Variants in RASA3 observed in about 807,000 individuals in gnomAD.
RASA3 encodes the protein RAS p21 protein activator 3, also known as ras GTPase-activating protein 3.
RASA3 carries 73 observed loss-of-function variants against 110.0 expected under a neutral mutation model. That is an observed-to-expected ratio of 0.66 (90% CI 0.55 to 0.81). RASA3 has a LOEUF of 0.81. Among genes scored for constraint, RASA3 ranks in the 30% least tolerant of loss-of-function variants. The pLI is 0.00. For synonymous variants in RASA3, 500 were observed against 451.4 expected, an observed-to-expected ratio of 1.11 and a Z score of -1.37; for missense variants, 976 against 1,113.2, an observed-to-expected ratio of 0.88 and a Z score of 1.75.
rs889807841 is a variant in RASA3, at chr13:113,978,942, G to A, written c.*405C>T. On this transcript the variant is annotated 3_prime_UTR_variant, in exon 24 of 24. Coordinates refer to ENST00000334062, the MANE Select transcript of RASA3 (RefSeq NM_007368.4). ...CACAGAGCCCAGCGTCACACGCACC[G>A]TGCACGCAAGACAGACGTGCACGAG... The A allele has an allele frequency of 2.1e-5, 5 of 235,166 alleles. No individual in the cohort carries two copies. The East Asian group carries it at 4.2e-4, about 20-fold the overall frequency. The allele number at this position is 235,166 out of a possible 1,614,324, so 14.6% of individuals were successfully genotyped here. A position where few individuals can be genotyped will look rare whatever the true frequency, so the allele number is the denominator to read the frequency against.
intron 1 of RASA3, chr13:114,108,650 A>G (rs1167621419): frequency 6.6e-6 from 1 of 151,982 alleles, no homozygotes; most frequent in Non-Finnish European, 1.5e-5. Context: ...CCTTGTGTGC[A>G]CAGCTTCTGA....
chr13:114,039,479 G>A (rs919645812), intron 4 of RASA3, among the ~76,000 whole-genome samples: 6 of 152,074 alleles, frequency 3.9e-5, no homozygotes, highest in Admixed American at 3.3e-4. Flanking sequence ...GCCGTCCGGT[G>A]TCCCAGGGAC....
chr13:114,041,070 T>C lies in RASA3; in HGVS notation c.302A>G (p.Asp101Gly). 6.2e-7 allele frequency: 1 copy of C among 1,613,826 alleles called. No homozygotes were observed. Among genetic ancestry groups the C allele is most frequent in the South Asian group, 1.1e-5 (1 of 91,088 alleles). Residue 101 changes from aspartate to glycine, a missense_variant, in exon 4 of 24, where the codon GAC (aspartate) becomes GGC (glycine). Around this residue, in one of 4 missense-constraint regions of RASA3, gnomAD observed 732 missense variants for 779.7 expected, o/e 0.94. Transcript: ENST00000334062. ...GTCCCTGTTGTGGTACTTCTGCAAG[T>C]CCTCCTTCTGGATGGCCACCTTCCC... ...IIGKVAIQKE[D>G]LQKYHNRDTW...
rs1348161744 is a variant in RASA3, at chr13:114,052,154, G to C, written c.175C>G (p.Pro59Ala). ...RTKIVEKSLC[P>A]FYGEDFYCEI... ...CAGTAAAAGTCTTCTCCGTAAAACG[G>C]GCTAGTGAGACAAAGAAAAGCGCCA... is the stretch of plus-strand genomic sequence containing the variant. Residue 59 changes from proline (P) to alanine (A), a missense_variant and splice_region_variant, in exon 3 of 24, where the codon CCG (proline) becomes GCG (alanine). Physicochemically the swap from Pro to Ala is conservative, Grantham distance 27. This residue lies in a region of RASA3 where 732 missense variants were observed against 779.7 expected (regional missense o/e 0.94). Coordinates refer to ENST00000334062, the MANE Select transcript of RASA3 (RefSeq NM_007368.4). 1 of 1,608,902 alleles carries C rather than the reference G, an allele frequency of 6.2e-7. No homozygotes were observed. The highest frequency in any genetic ancestry group is 2.2e-5 in the East Asian group (1 of 44,830).
At chr13:113,981,563 G>A (rs769865542) in intron 23 of RASA3, 112 bp downstream of exon 23, 90 of 1,213,508 alleles carry the variant, frequency 7.4e-5, no homozygotes, top group Non-Finnish European at 8.7e-5. Context: ...CCTCCCAGGC[G>A]GACACCTGAG....
chr13:114,025,945 G>T (rs1032851180), intron 7 of RASA3, among the ~76,000 whole-genome samples: 1 of 152,228 alleles, frequency 6.6e-6, no homozygotes, highest in Non-Finnish European at 1.5e-5. Flanking sequence ...TAAGGAAGGG[G>T]AGGAGACGGA....
At chr13:114,050,101 G>A (rs933573386) in intron 3 of RASA3, among the ~76,000 whole-genome samples, 7 of 152,264 alleles carry the variant, frequency 4.6e-5, no homozygotes, top group Non-Finnish European at 1.0e-4. Context: ...GTCAGAGGGA[G>A]AGAGGAAGAG....
intron 1 of RASA3, among the ~76,000 whole-genome samples, chr13:114,088,563 T>C (rs2079849521): frequency 6.6e-6 from 1 of 152,196 alleles, no homozygotes; most frequent in African/African-American, 2.4e-5. Flanking sequence ...AATTTTTTTT[T>C]TTTTTGAGAC....
chr13:113,997,100 TC>T (rs1310890240), intron 20 of RASA3, among the ~76,000 whole-genome samples: 1 of 152,182 alleles, frequency 6.6e-6, no homozygotes, highest in Non-Finnish European at 1.5e-5. Flanking sequence ...CACAAGGCCC[TC>T]CTGCAGCTGA....
intron 2 of RASA3, among the ~76,000 whole-genome samples, chr13:114,054,829 A>C (rs1167200409): frequency 1.3e-5 from 2 of 152,264 alleles, no homozygotes; most frequent in African/African-American, 2.4e-5. Context: ...CGTTTCCTTT[A>C]AACACATTCT....
intron 2 of RASA3, among the ~76,000 whole-genome samples, chr13:114,055,057 CGTGTGTGCCCACAGGCACGTGTTT>C (rs1423808921): frequency 6.6e-6 from 1 of 151,138 alleles, no homozygotes; most frequent in African/African-American, 2.4e-5. Flanking sequence ...TGTGCCTGTA[CGTGTGTGCCCACAGGCACGTGTTT>C]GTGTGTGCAT....
intron 4 of RASA3, among the ~76,000 whole-genome samples, chr13:114,030,314 G>A (rs944705973): frequency 6.6e-6 from 1 of 151,672 alleles, no homozygotes; most frequent in East Asian, 1.9e-4. Flanking sequence ...CCTCGGGCGA[G>A]GCCGGATGGA....
chr13:114,131,280 G>A (rs1224643848), intron 1 of RASA3, among the ~76,000 whole-genome samples: 1 of 152,138 alleles, frequency 6.6e-6, no homozygotes, highest in Non-Finnish European at 1.5e-5. Flanking sequence ...GGAAGAGGCC[G>A]GCTGCGAAGT....
chr13:114,070,290 G>C lies in RASA3; in HGVS notation c.173+3430C>G, dbSNP rs548915135. On this transcript the variant is annotated intron_variant, in intron 2 of 23. Coordinates refer to ENST00000334062, the MANE Select transcript of RASA3 (RefSeq NM_007368.4). The stretch of plus-strand genomic sequence containing the variant: ...CAAAGTGGGTGCCACCATGGAGCAA[G>C]GAGGGGGCGGTGGCCAGGACTAAAC... Among the ~76,000 whole-genome samples, 819 of 152,012 alleles carry C rather than the reference G, an allele frequency of 5.4e-3. 5 individuals carry two copies. Among genetic ancestry groups the C allele is most frequent in the Non-Finnish European group, 7.3e-3 (499 of 67,922 alleles).
chr13:113,981,499 C>T (rs879424224), intron 23 of RASA3, among the ~76,000 whole-genome samples, 176 bp downstream of exon 23: 3 of 152,178 alleles, frequency 2.0e-5, no homozygotes, highest in East Asian at 1.9e-4. Flanking sequence ...CCAGCAGCGC[C>T]GGGCCACGTC....
In RASA3 at chr13:114,010,784, T is replaced by A. The variant is rs1350883734; in HGVS notation, c.1590+387A>T. On this transcript the variant is annotated intron_variant, in intron 16 of 23. Transcript: ENST00000334062. ...GGGAGGTGGGGAGGAGGGGGCCGCG[T>A]GGGGAGGAGGGGGCCGCGAGGGGAG... Among the ~76,000 whole-genome samples, 104 of 103,034 alleles carry A rather than the reference T, an allele frequency of 1.0e-3. 1 individual carries two copies. The highest frequency in any genetic ancestry group is 2.2e-3 in the African/African-American group (62 of 28,640). 67.6% of individuals were successfully genotyped at this position (103,034 alleles called of 152,430 possible).
intron 12 of RASA3, 69 bp downstream of exon 12, chr13:114,017,168 C>A: frequency 1.4e-6 from 2 of 1,393,878 alleles, no homozygotes; most frequent in Non-Finnish European, 2.0e-6. Context: ...GATCCCAGTG[C>A]AGTGCCCTCT....
At chr13:114,010,943 C>T (rs565651121) in intron 16 of RASA3, among the ~76,000 whole-genome samples, 2 of 150,522 alleles carry the variant, frequency 1.3e-5, no homozygotes, top group South Asian at 2.1e-4. Context: ...GGGCCGGCGA[C>T]GAGCCACAGG....
At chr13:113,995,045 G>C (rs1410347062) in intron 21 of RASA3, among the ~76,000 whole-genome samples, 1 of 152,252 alleles carries the variant, frequency 6.6e-6, no homozygotes, top group Non-Finnish European at 1.5e-5. Context: ...CGGGATAGGG[G>C]AGGCTCCCGA....
Sources: allele counts gnomAD v4.1 joint callset (sites outside exome capture counted in the v4.1 genomes callset), GRCh38; gene constraint gnomAD v4.1.1; regional missense constraint gnomAD v4.1.1; transcripts MANE v1.5; gene names NCBI Gene and HGNC (gene_info 2026-07-23, HGNC 2026-07-21).